Variants in MDM2 observed in about 807,000 individuals in gnomAD.
The protein encoded by MDM2 is E3 ubiquitin-protein ligase Mdm2.
In MDM2, 11 loss-of-function variants were observed where a neutral mutation model predicts 64.3. The ratio of observed to expected loss-of-function variants is 0.17; its 90% confidence interval spans 0.11 to 0.28. The LOEUF (loss-of-function observed/expected upper bound fraction) is 0.28, where lower values mean the gene tolerates loss of function less well. Ranked by LOEUF, MDM2 falls within the 10% of genes least tolerant of loss-of-function variation. The pLI is 1.00. For missense variants in MDM2, 388 were observed against 577.1 expected, an observed-to-expected ratio of 0.67 and a Z score of 3.36; for synonymous variants, 194 against 192.9, an observed-to-expected ratio of 1.01 and a Z score of -0.05.
chr12:68,833,149 A>AAAAAAAATATATAT (rs1555187768), intron 8 of MDM2, among the ~76,000 whole-genome samples: 1 of 65,960 alleles, frequency 1.5e-5, no homozygotes, highest in African/African-American at 6.1e-5. Context: ...AAAAAAAAAA[A>AAAAAAAATATATAT]ATATATATAT....
At chr12:68,830,236 C>G (rs969346041) in intron 8 of MDM2, among the ~76,000 whole-genome samples, 2 of 152,152 alleles carry the variant, frequency 1.3e-5, no homozygotes, top group Non-Finnish European at 1.5e-5. Context: ...TTGTATAGTA[C>G]TCTAGAAGAT....
intron 4 of MDM2, among the ~76,000 whole-genome samples, chr12:68,817,799 T>TTTTG (rs1300811049): frequency 6.6e-6 from 1 of 151,968 alleles, no homozygotes; most frequent in Non-Finnish European, 1.5e-5. Flanking sequence ...TTATTCTTTT[T>TTTTG]TTTGTTTGTT....
chr12:68,839,958 A>G lies in MDM2; in HGVS notation c.*109A>G. ...AAAGTGAGAAAATGCCTCAATTCAC[A>G]TAGATTTCTTCTCTTTAGTATAATT... On this transcript the variant is annotated 3_prime_UTR_variant, in exon 11 of 11. Coordinates refer to ENST00000258149, the MANE Select transcript of MDM2 (RefSeq NM_002392.6). 2 of 983,054 alleles carry G rather than the reference A, an allele frequency of 2.0e-6. No individual in the cohort carries two copies. Among genetic ancestry groups the G allele is most frequent in the South Asian group, 1.8e-5 (1 of 57,140 alleles). The allele number at this position is 983,054 out of a possible 1,614,324, so 60.9% of individuals were successfully genotyped here. A position where few individuals can be genotyped will look rare whatever the true frequency, so the allele number is the denominator to read the frequency against.
chr12:68,815,635 G>A (rs763864070), intron 3 of MDM2: 17 of 415,704 alleles, frequency 4.1e-5, no homozygotes, highest in Non-Finnish European at 1.9e-5. Flanking sequence ...TAGAGATGGA[G>A]TTTCACTATG....
At position 68,842,560 on chromosome 12, in the gene MDM2, T is replaced by A. The variant is rs1434508747; in HGVS notation, c.*2711T>A. 2 of 347,204 alleles carry A rather than the reference T, an allele frequency of 5.8e-6. No individual in the cohort carries two copies. Among genetic ancestry groups the A allele is most frequent in the Non-Finnish European group, 1.1e-5 (2 of 176,806 alleles). The allele number at this position is 347,204 out of a possible 1,614,324, so 21.5% of individuals were successfully genotyped here. ...CAGATAATATGGATGTTTGATCGCA[T>A]CTCATTGTTAACTCTTTACTGATAT... On this transcript the variant is annotated 3_prime_UTR_variant, in exon 11 of 11. Transcript: ENST00000258149.
Position 68,810,850 on chromosome 12 carries a change from C to A in MDM2, c.99+1558C>A, listed in dbSNP as rs371722492. ...TCTAGTTTCTTGGTGAGGCTGGGCA[C>A]CTTTCCTTTTTGTTTTTGTTTTTGT... On this transcript the variant is annotated intron_variant, in intron 2 of 10. Transcript: ENST00000258149. Among the ~76,000 whole-genome samples the A allele has an allele frequency of 1.6e-4, 25 of 151,662 alleles. No individual in the cohort carries two copies. In the South Asian group the frequency reaches 4.8e-3, roughly 29 times the overall value.
At position 68,808,336 on chromosome 12, in the gene MDM2, G is replaced by T; in HGVS notation, c.-142G>T. 9.2e-7 allele frequency: 1 copy of T among 1,088,026 alleles called. No homozygotes were observed. 67.4% of individuals were successfully genotyped at this position (1,088,026 alleles called of 1,614,324 possible). On this transcript the variant is annotated 5_prime_UTR_variant, in exon 1 of 11. Coordinates refer to ENST00000258149, the MANE Select transcript of MDM2 (RefSeq NM_002392.6). The stretch of plus-strand genomic sequence containing the variant: ...GCAGCCAGGAGCACCGTCCCTCCCC[G>T]GATTAGTGCGTACGAGCGCCCAGTG...
At chr12:68,834,693 G>A (rs1165529199) in intron 8 of MDM2, among the ~76,000 whole-genome samples, 1 of 152,010 alleles carries the variant, frequency 6.6e-6, no homozygotes, top group African/African-American at 2.4e-5. Flanking sequence ...GCTGAGATCA[G>A]GCCACTGCAC....
chr12:68,809,436 T>G, intron 2 of MDM2, 144 bp downstream of exon 2: 2 of 744,772 alleles, frequency 2.7e-6, no homozygotes, highest in Non-Finnish European at 4.5e-6. Context: ...CTGGCGTAAC[T>G]GCGTGGAGTT....
Position 68,816,863 on chromosome 12 carries a change from A to C in MDM2, c.226A>C (p.Lys76Gln), listed in dbSNP as rs774100788. ...YIMTKRLYDE[K>Q]QQHIVYCSND... ...TATGACTAAACGATTATATGATGAG[A>C]AGCAACAACATATTGTATATTGTTC... The change falls in exon 4 of 11, where the codon AAG becomes CAG. Residue 76 changes from lysine to glutamine, a missense_variant. Physicochemically the swap from Lys to Gln is moderately conservative, Grantham distance 53. This residue lies in a region of MDM2 where 24 missense variants were observed against 87.8 expected (regional missense o/e 0.27). Transcript: ENST00000258149. The C allele has an allele frequency of 7.5e-6, 12 of 1,610,628 alleles. No individual in the cohort carries two copies. The highest frequency in any genetic ancestry group is 1.0e-5 in the Non-Finnish European group (12 of 1,178,348).
At chr12:68,815,398 T>TAG in intron 3 of MDM2, among the ~76,000 whole-genome samples, 1 of 151,244 alleles carries the variant, frequency 6.6e-6, no homozygotes, top group East Asian at 1.9e-4. Flanking sequence ...GAGCGTTGGA[T>TAG]TAAGAGTCAG....
Position 68,835,877 on chromosome 12 carries a change from G to C in MDM2, c.733G>C (p.Asp245His), listed in dbSNP as rs1334092635. The change falls in exon 9 of 11, where the codon GAT (aspartate) becomes CAT (histidine). Residue 245 changes from aspartate to histidine, a missense_variant. By Grantham distance (81) the Asp-to-His change is moderately conservative (BLOSUM62 -1). This residue lies in a region of MDM2 where 168 missense variants were observed against 236.6 expected (regional missense o/e 0.71). Transcript: ENST00000258149. ...SEHSGDWLDQ[D>H]SVSDQFSVEF... ...ACATTCAGGTGATTGGTTGGATCAG[G>C]ATTCAGTTTCAGATCAGTTTAGTGT... 1.9e-6 allele frequency: 3 copies of C among 1,613,502 alleles called. No individual in the cohort carries two copies. In the East Asian group the frequency reaches 6.7e-5, roughly 36 times the overall value.
chr12:68,835,295 G>C (rs970684193), intron 8 of MDM2, among the ~76,000 whole-genome samples: 1 of 152,158 alleles, frequency 6.6e-6, no homozygotes, highest in Non-Finnish European at 1.5e-5. Flanking sequence ...TATTGACAAA[G>C]GCTTAGTCAA....
rs191198390 is a variant in MDM2 at position 68,842,675 on chromosome 12, A to T, written c.*2826A>T. ...ACAACATGTAATTAATGACATTCAA[A>T]AATTTATGGCTAGTGATATATATAA... On this transcript the variant is annotated 3_prime_UTR_variant, in exon 11 of 11. Transcript: ENST00000258149. 1.6e-4 allele frequency: 34 copies of T among 208,950 alleles called. No individual in the cohort carries two copies. Among genetic ancestry groups the T allele is most frequent in the Non-Finnish European group, 2.9e-4 (29 of 100,210 alleles). 12.9% of individuals were successfully genotyped at this position (208,950 alleles called of 1,614,324 possible).
chr12:68,833,149 A>AAAAT (rs1555187768), intron 8 of MDM2, among the ~76,000 whole-genome samples: 12 of 65,972 alleles, frequency 1.8e-4, no homozygotes, highest in Admixed American at 7.5e-4. Context: ...AAAAAAAAAA[A>AAAAT]ATATATATAT....
chr12:68,848,381 T>A (rs1399642684), downstream of MDM2: 1 of 152,296 alleles, frequency 6.6e-6, no homozygotes, highest in African/African-American at 2.4e-5. Flanking sequence ...GCCAGGCTGG[T>A]CTCGAATTCC....
chr12:68,816,987 T>A (rs781698257), intron 4 of MDM2, 42 bp downstream of exon 4: 33 of 1,600,488 alleles, frequency 2.1e-5, no homozygotes, highest in Non-Finnish European at 2.8e-5. Context: ...CCATCTGGGC[T>A]AACATTTCAG....
In MDM2 at chr12:68,835,823, T is replaced by C; in HGVS notation, c.685-6T>C. 1 of 1,610,044 alleles carries C rather than the reference T, an allele frequency of 6.2e-7. No homozygotes were observed. The highest frequency in any genetic ancestry group is 8.5e-7 in the Non-Finnish European group (1 of 1,178,230). On this transcript the variant is annotated splice_region_variant and splice_polypyrimidine_tract_variant and intron_variant, in intron 8 of 10. Transcript: ENST00000258149. ...TATTAAGTTATATATTTTTTTCTTGTTTTAGGATCTTGATGCTGGTGTAAG... is the reference window on the plus strand; with the variant it reads ...TATTAAGTTATATATTTTTTTCTTGCTTTAGGATCTTGATGCTGGTGTAAG...
Position 68,836,732 on chromosome 12 carries a change from C to A in MDM2, c.901C>A (p.Pro301Thr). The change falls in exon 10 of 11, where the codon CCT becomes ACT. Residue 301 changes from proline to threonine, a missense_variant. Pro to Thr is a conservative substitution (Grantham distance 38). Coordinates refer to ENST00000258149, the MANE Select transcript of MDM2 (RefSeq NM_002392.6). The stretch of plus-strand genomic sequence containing the variant: ...TGATACAGATTCATTTGAAGAAGAT[C>A]CTGAAATTTCCTTAGCTGTAAGTAT... ...ESDTDSFEED[P>T]EISLADYWKC... is the part of the protein sequence containing the mutation. The A allele has an allele frequency of 1.9e-6, 3 of 1,610,734 alleles. No individual in the cohort carries two copies. The highest frequency in any genetic ancestry group is 3.3e-5 in the Admixed American group (2 of 59,958).
Sources: allele counts gnomAD v4.1 joint callset (sites outside exome capture counted in the v4.1 genomes callset), GRCh38; gene constraint gnomAD v4.1.1; regional missense constraint gnomAD v4.1.1; transcripts MANE v1.5; gene names NCBI Gene and HGNC (gene_info 2026-07-23, HGNC 2026-07-21).